The following ZBBX variants were observed in gnomAD, a reference collection of about 807,000 sequenced individuals.
The protein encoded by ZBBX is zinc finger B-box domain containing, also known as zinc finger B-box domain-containing protein 1.
ZBBX carries 101 observed loss-of-function variants against 108.5 expected under a neutral mutation model. That is an observed-to-expected ratio of 0.93 (90% confidence interval 0.79 to 1.10). The LOEUF is 1.10. ZBBX is among the 50% of genes least tolerant of loss of function. The probability of loss-of-function intolerance (pLI) is 0.00; values close to 1 mark genes in which losing one functional copy is unlikely to be tolerated. For synonymous variants in ZBBX, 356 were observed against 323.4 expected, an observed-to-expected ratio of 1.10 and a Z score of -1.08; for missense variants, 1,009 against 941.4, an observed-to-expected ratio of 1.07 and a Z score of -0.94.
chr3:167,379,369 G>A (rs1378374037), intron 2 of ZBBX, among the ~76,000 whole-genome samples: 1 of 152,172 alleles, frequency 6.6e-6, no homozygotes, highest in Non-Finnish European at 1.5e-5. Flanking sequence ...GAATTATTAA[G>A]TGTCTTGAAA....
At chr3:167,261,750 T>C (rs1192624926) in intron 20 of ZBBX, among the ~76,000 whole-genome samples, 1 of 137,132 alleles carries the variant, frequency 7.3e-6, no homozygotes, top group African/African-American at 2.8e-5. Flanking sequence ...TGAAAACTTG[T>C]CCCAGGCTAC....
At chr3:167,352,782 A>G (rs1577070841) in intron 8 of ZBBX, among the ~76,000 whole-genome samples, 1 of 152,014 alleles carries the variant, frequency 6.6e-6, no homozygotes, top group African/African-American at 2.4e-5. Flanking sequence ...CTACTCCATA[A>G]TAAAGTGGGT....
the ZBBX span, among the ~76,000 whole-genome samples, chr3:167,201,270 A>G: frequency 6.6e-6 from 1 of 152,156 alleles, no homozygotes; most frequent in African/African-American, 2.4e-5. Context: ...GTTAGGTAGG[A>G]GTAGATTGAG....
rs973966356 is a variant in ZBBX, at chr3:167,387,372, A to C, written c.-445-6967T>G. ...ATTATCAGAAAAAGGATACTTGCTC[A>C]ATAGTTGGGGCTCAACAAAGACTTC... On this transcript the variant is annotated intron_variant, in intron 1 of 21. Transcript: ENST00000455345. 2.0e-5 allele frequency among the ~76,000 whole-genome samples: 3 copies of C among 152,202 alleles called. No homozygotes were observed. In the East Asian group the frequency reaches 5.8e-4, roughly 29 times the overall value.
At chr3:167,263,037 T>G (rs1560040580) in intron 20 of ZBBX, among the ~76,000 whole-genome samples, 1 of 43,470 alleles carries the variant, frequency 2.3e-5, no homozygotes, top group East Asian at 3.5e-4. Flanking sequence ...TTCTAGTTCT[T>G]TTTTTTTTTT....
At chr3:167,194,578 A>C in the ZBBX span, among the ~76,000 whole-genome samples, 1 of 152,246 alleles carries the variant, frequency 6.6e-6, no homozygotes, top group East Asian at 1.9e-4. Context: ...TATAAAAAAT[A>C]TGGCAATGAT....
chr3:167,315,671 A>C (rs1422266722), intron 15 of ZBBX, 79 bp downstream of exon 15: 7 of 1,045,294 alleles, frequency 6.7e-6, no homozygotes, highest in Admixed American at 2.1e-5. Flanking sequence ...CATATTTCAC[A>C]TTTAAAAAGA....
chr3:167,316,432 T>C (rs1735466969), intron 14 of ZBBX, among the ~76,000 whole-genome samples: 1 of 152,038 alleles, frequency 6.6e-6, no homozygotes, highest in South Asian at 2.1e-4. Context: ...AAGTCAGAAA[T>C]GCACTGAGTG....
At chr3:167,343,532 C>A (rs1276904276) in intron 9 of ZBBX, among the ~76,000 whole-genome samples, 2 of 151,902 alleles carry the variant, frequency 1.3e-5, no homozygotes, top group Non-Finnish European at 2.9e-5. Flanking sequence ...AAAGTGCAGG[C>A]TACTGAACTG....
chr3:167,316,007 G>A (rs1735390677), intron 14 of ZBBX, among the ~76,000 whole-genome samples, 178 bp from the exon 15 acceptor site: 1 of 151,974 alleles, frequency 6.6e-6, no homozygotes, highest in South Asian at 2.1e-4. Context: ...AACTGACATT[G>A]GTTGATATGT....
intron 16 of ZBBX, among the ~76,000 whole-genome samples, chr3:167,307,268 G>A (rs1449911493): frequency 6.6e-6 from 1 of 152,052 alleles, no homozygotes; most frequent in Admixed American, 6.6e-5. Flanking sequence ...GGAAGTCCTA[G>A]CAAGGGCAAC....
chr3:167,397,823 A>T (rs1748298587), intron 1 of ZBBX, among the ~76,000 whole-genome samples: 1 of 151,032 alleles, frequency 6.6e-6, no homozygotes, highest in African/African-American at 2.4e-5. Context: ...AAAAACTCAT[A>T]TGATTTTCAA....
intron 1 of ZBBX, among the ~76,000 whole-genome samples, chr3:167,397,912 C>G (rs763719719): frequency 1.3e-5 from 2 of 150,370 alleles, no homozygotes; most frequent in Non-Finnish European, 3.0e-5. Context: ...TTAAGCTCAG[C>G]AAATTGCAAA....
At chr3:167,403,304 T>A (rs1201452388) in intron 1 of ZBBX, among the ~76,000 whole-genome samples, 3 of 152,100 alleles carry the variant, frequency 2.0e-5, no homozygotes, top group Non-Finnish European at 2.9e-5. Flanking sequence ...CAACTTAGAA[T>A]CCTACATCCA....
At chr3:167,253,116 C>A (rs2108370199) in intron 20 of ZBBX, among the ~76,000 whole-genome samples, 1 of 151,964 alleles carries the variant, frequency 6.6e-6, no homozygotes, top group East Asian at 1.9e-4. Context: ...ATAGAAAAAG[C>A]AGAATAATAA....
At chr3:167,325,874 A>T (rs190884679) in intron 11 of ZBBX, among the ~76,000 whole-genome samples, 1 of 152,316 alleles carries the variant, frequency 6.6e-6, no homozygotes, top group East Asian at 1.9e-4. Flanking sequence ...AATGATAATA[A>T]TTTATTGTCA....
chr3:167,329,512 GT>G (rs1362769621), intron 10 of ZBBX, among the ~76,000 whole-genome samples: 1 of 152,158 alleles, frequency 6.6e-6, no homozygotes, highest in East Asian at 1.9e-4. Context: ...AGGTTAATAA[GT>G]CCACAACAGA....
At chr3:167,279,322 C>T (rs754198151) in intron 20 of ZBBX, among the ~76,000 whole-genome samples, 10,248 of 150,714 alleles carry the variant, frequency 0.068, 430 homozygotes, top group Non-Finnish European at 0.095. Context: ...TGTTTGCAGA[C>T]GACATGATTG....
chr3:167,274,036 G>A (rs758885221), intron 20 of ZBBX, among the ~76,000 whole-genome samples: 2 of 152,154 alleles, frequency 1.3e-5, no homozygotes, highest in African/African-American at 2.4e-5. Flanking sequence ...AAATGGCTTG[G>A]GAAAACAGAA....
Sources: allele counts gnomAD v4.1 joint callset (sites outside exome capture counted in the v4.1 genomes callset), GRCh38; gene constraint gnomAD v4.1.1; transcripts MANE v1.5; gene names NCBI Gene and HGNC (gene_info 2026-07-23, HGNC 2026-07-21).